The following CRYAB variants were observed in gnomAD, a reference collection of about 807,000 sequenced individuals.
CRYAB encodes the protein alpha-crystallin B chain.
Under a neutral mutation model 12.7 loss-of-function variants are expected in CRYAB, and 9 were observed. That is an observed-to-expected ratio of 0.71 (90% CI 0.43 to 1.24). CRYAB has a LOEUF of 1.24. Ranked by LOEUF, CRYAB falls within the 50% of genes most tolerant of loss-of-function variation. The probability of loss-of-function intolerance (pLI) is 0.00; values close to 1 mark genes in which losing one functional copy is unlikely to be tolerated. For missense variants in CRYAB, 183 were observed against 226.6 expected (o/e 0.81, Z 1.24); for synonymous variants, 93 against 86.8 (o/e 1.07, Z -0.40).
intron 1 of CRYAB, 48 bp downstream of exon 1, chr11:111,911,476 A>G: frequency 1.3e-6 from 2 of 1,555,454 alleles, no homozygotes; most frequent in Non-Finnish European, 1.7e-6. Context: ...AGAAGTTTCC[A>G]GGAGGTTCCA....
At chr11:111,918,892 G>A (rs1460496373) in intron 1 of CRYAB, 44 of 1,558,470 alleles carry the variant, frequency 2.8e-5, no homozygotes, top group Non-Finnish European at 3.7e-5. Context: ...GAGCTGCCGC[G>A]GAAAGCTCAA....
chr11:111,917,073 A>G (rs1333422412), upstream of CRYAB, among the ~76,000 whole-genome samples: 2 of 152,090 alleles, frequency 1.3e-5, no homozygotes, highest in Admixed American at 6.6e-5. Context: ...TATATTGCCC[A>G]GGTTGATCTT....
At chr11:111,910,187 A>T (rs1965407828) in intron 2 of CRYAB, 140 bp downstream of exon 2, 1 of 999,900 alleles carries the variant, frequency 1.0e-6, no homozygotes, top group African/African-American at 1.6e-5. Flanking sequence ...AGTCTTCTAG[A>T]CATTGATTTG....
chr11:111,923,295 C>A (rs1555166684), intron 1 of CRYAB, among the ~76,000 whole-genome samples: 2 of 152,202 alleles, frequency 1.3e-5, no homozygotes, highest in Non-Finnish European at 2.9e-5. Context: ...GTCAACTGAG[C>A]AAGCTGTAGC....
At chr11:111,913,504 C>T (rs1741139773), upstream of CRYAB, 1 of 1,613,894 alleles carries the variant, frequency 6.2e-7, no homozygotes, top group Non-Finnish European at 8.5e-7. Context: ...CGGCCTCGGG[C>T]CGCCCCAGCT....
intron 2 of CRYAB, 108 bp from the exon 3 acceptor site, chr11:111,909,075 T>A: frequency 9.1e-7 from 1 of 1,102,412 alleles, no homozygotes; most frequent in East Asian, 2.4e-5. Flanking sequence ...CCAAATGCCA[T>A]GACAACATAG....
intron 1 of CRYAB, 93 bp from the exon 2 acceptor site, chr11:111,910,542 G>A: frequency 6.8e-7 from 1 of 1,474,496 alleles, no homozygotes; most frequent in East Asian, 2.3e-5. Flanking sequence ...GCTGCTTTCT[G>A]TCCGGGTAAT....
chr11:111,919,626 A>T (rs587704764), intron 1 of CRYAB, among the ~76,000 whole-genome samples: 1 of 152,232 alleles, frequency 6.6e-6, no homozygotes, highest in South Asian at 2.1e-4. Context: ...TAATTGTAGC[A>T]CTTGAGAGCT....
chr11:111,917,352 GGTAGA>G (rs1469624647), upstream of CRYAB, among the ~76,000 whole-genome samples: 2 of 152,148 alleles, frequency 1.3e-5, no homozygotes, highest in East Asian at 1.9e-4. Context: ...TACAGTTAAT[GGTAGA>G]GTAGAGTACA....
chr11:111,910,640 C>T, intron 1 of CRYAB, 191 bp from the exon 2 acceptor site: 1 of 711,838 alleles, frequency 1.4e-6, no homozygotes, highest in Non-Finnish European at 2.4e-6. Flanking sequence ...ATACCTAAGG[C>T]TCATGGTGAT....
chr11:111,911,829 A>G, upstream of CRYAB: 3 of 775,224 alleles, frequency 3.9e-6, no homozygotes, highest in Non-Finnish European at 4.3e-6. Flanking sequence ...TGGAATGGTG[A>G]TGTCAGGGGT....
chr11:111,911,300 A>C (rs1965445093), intron 1 of CRYAB, among the ~76,000 whole-genome samples: 1 of 152,234 alleles, frequency 6.6e-6, no homozygotes, highest in African/African-American at 2.4e-5. Context: ...GACGGAGGAT[A>C]AACTTGACAG....
chr11:111,917,540 C>T (rs1555166189), upstream of CRYAB, among the ~76,000 whole-genome samples: 3 of 151,714 alleles, frequency 2.0e-5, no homozygotes, highest in Non-Finnish European at 4.4e-5. Flanking sequence ...TGGTGCCTCA[C>T]ACCTGTAACC....
At chr11:111,915,934 G>A (rs587762290), upstream of CRYAB, among the ~76,000 whole-genome samples, 1 of 152,146 alleles carries the variant, frequency 6.6e-6, no homozygotes, top group African/African-American at 2.4e-5. Context: ...TGGAGATGAG[G>A]TCTCGCCTTG....
chr11:111,912,578 C>T (rs1592511099), upstream of CRYAB: 4 of 550,886 alleles, frequency 7.3e-6, no homozygotes, highest in East Asian at 3.1e-5. Flanking sequence ...TCCTCTCAGG[C>T]CCCCTGCGAC....
intron 2 of CRYAB, 160 bp downstream of exon 2, chr11:111,910,167 A>G (rs782607416): frequency 1.2e-6 from 1 of 864,462 alleles, no homozygotes; most frequent in Non-Finnish European, 1.9e-6. Context: ...CAATATGTCT[A>G]TCCTAACTTA....
intron 1 of CRYAB, chr11:111,918,967 A>G: frequency 6.2e-7 from 1 of 1,614,184 alleles, no homozygotes; most frequent in East Asian, 2.2e-5. Flanking sequence ...TTGGAGACAG[A>G]GCGCCATGGG....
At chr11:111,923,154 C>T (rs782450145) in intron 1 of CRYAB, among the ~76,000 whole-genome samples, 16 of 152,256 alleles carry the variant, frequency 1.1e-4, no homozygotes, top group Non-Finnish European at 2.2e-4. Flanking sequence ...AAGATTATCT[C>T]GTTCTTAGGA....
intron 1 of CRYAB, 83 bp from the exon 2 acceptor site, chr11:111,910,532 G>A: frequency 1.3e-6 from 2 of 1,519,276 alleles, no homozygotes; most frequent in Non-Finnish European, 1.8e-6. Flanking sequence ...ATTCTGCAGA[G>A]CTGCTTTCTG....
Sources: allele counts gnomAD v4.1 joint callset (sites outside exome capture counted in the v4.1 genomes callset), GRCh38; gene constraint gnomAD v4.1.1; transcripts MANE v1.5; gene names NCBI Gene and HGNC (gene_info 2026-07-23, HGNC 2026-07-21).